Variants in UXS1 observed in about 807,000 individuals in gnomAD.
UXS1 encodes the protein UDP-glucuronic acid decarboxylase 1.
UXS1 carries 33 observed loss-of-function variants against 62.6 expected under a neutral mutation model. The observed-to-expected ratio is 0.53, with a 90% CI of 0.40 to 0.70. The LOEUF is 0.70. UXS1 is among the 30% of genes least tolerant of loss of function. The pLI, the probability that UXS1 is intolerant of heterozygous loss-of-function variation, is 0.00. For synonymous variants in UXS1, 213 were observed against 206.8 expected (o/e 1.03, Z -0.26); for missense variants, 434 against 556.3 (o/e 0.78, Z 2.21).
chr2:106,115,419 G>C (rs1678982419), intron 9 of UXS1, among the ~76,000 whole-genome samples: 1 of 152,248 alleles, frequency 6.6e-6, no homozygotes, highest in South Asian at 2.1e-4. Flanking sequence ...TTTGAGCATA[G>C]ACAAAGCTGT....
intron 12 of UXS1, among the ~76,000 whole-genome samples, chr2:106,099,445 G>GC (rs1042978706): frequency 1.3e-5 from 2 of 152,102 alleles, no homozygotes; most frequent in African/African-American, 4.8e-5. Flanking sequence ...GCCTCTTCAT[G>GC]CCCAGGTCCT....
At position 106,094,051 on chromosome 2, in the gene UXS1, T is replaced by C; in HGVS notation, c.1253A>G (p.Lys418Arg). 1.2e-6 allele frequency: 2 copies of C among 1,613,192 alleles called. No homozygotes were observed. Among genetic ancestry groups the C allele is most frequent in the Non-Finnish European group, 1.7e-6 (2 of 1,179,712 alleles). ...YIPKPKPARI[K>R]KGRTRHS is the part of the protein sequence containing the mutation. ...TCAGCTGTGGCGAGTCCGTCCTTTC[T>C]TTATTCTGGCAGGCTTTGGTTTGGG... Residue 418 changes from lysine (K) to arginine (R), a missense_variant, in exon 15 of 15, where the codon AAG (lysine) becomes AGG (arginine). Lys to Arg is a conservative substitution (Grantham distance 26, BLOSUM62 2). Coordinates refer to ENST00000283148, the MANE Select transcript of UXS1 (RefSeq NM_001253875.2).
chr2:106,180,999 T>C (rs1303256642), intron 1 of UXS1, among the ~76,000 whole-genome samples: 4 of 152,226 alleles, frequency 2.6e-5, no homozygotes, highest in Non-Finnish European at 4.4e-5. Context: ...AAATGAAATA[T>C]ACTTTCCCTA....
chr2:106,152,413 C>T (rs1265922159), intron 5 of UXS1, among the ~76,000 whole-genome samples: 2 of 147,480 alleles, frequency 1.4e-5, no homozygotes, highest in Non-Finnish European at 3.0e-5. Flanking sequence ...GATCATGCCA[C>T]TGCACTCCAG....
intron 9 of UXS1, among the ~76,000 whole-genome samples, chr2:106,120,150 G>A (rs903485880): frequency 6.6e-6 from 1 of 152,198 alleles, no homozygotes; most frequent in Non-Finnish European, 1.5e-5. Flanking sequence ...TGGACCCATG[G>A]CTCTTCCTAC....
chr2:106,176,275 A>C (rs988329530), intron 1 of UXS1, among the ~76,000 whole-genome samples: 1 of 151,998 alleles, frequency 6.6e-6, no homozygotes, highest in Non-Finnish European at 1.5e-5. Flanking sequence ...TCATCCTAGC[A>C]CTCTGGAAAA....
chr2:106,170,882 G>A (rs1455798176), intron 1 of UXS1, among the ~76,000 whole-genome samples: 3 of 152,130 alleles, frequency 2.0e-5, no homozygotes, highest in Non-Finnish European at 4.4e-5. Flanking sequence ...CCCACCTTAC[G>A]GTGCTTCAAA....
intron 5 of UXS1, among the ~76,000 whole-genome samples, chr2:106,156,818 G>A (rs761291897): frequency 1.3e-5 from 2 of 152,106 alleles, no homozygotes; most frequent in Admixed American, 6.5e-5. Context: ...TTTTCGATTC[G>A]TGGTTAGCTG....
chr2:106,098,675 GCA>G (rs750058212), intron 13 of UXS1, 39 bp downstream of exon 13: 1 of 1,534,948 alleles, frequency 6.5e-7, no homozygotes, highest in Admixed American at 1.8e-5. Context: ...GATAGGGCAG[GCA>G]CAGTCGATTT....
intron 13 of UXS1, chr2:106,097,182 G>A (rs762001317): frequency 1.3e-5 from 6 of 466,478 alleles, no homozygotes; most frequent in East Asian, 6.7e-5. Context: ...GCATGACCCC[G>A]GTGTGAGACC....
At chr2:106,192,079 C>A (rs1484374174) in intron 1 of UXS1, among the ~76,000 whole-genome samples, 2 of 152,124 alleles carry the variant, frequency 1.3e-5, no homozygotes, top group Admixed American at 1.3e-4. Context: ...TTAAAAAAAA[C>A]CCTACTGATT....
At chr2:106,114,441 C>T (rs1050158295) in intron 9 of UXS1, among the ~76,000 whole-genome samples, 3 of 152,130 alleles carry the variant, frequency 2.0e-5, no homozygotes, top group Non-Finnish European at 4.4e-5. Context: ...GAAAATGACT[C>T]AGAAGTACCC....
At chr2:106,116,430 G>A (rs1558690973) in intron 9 of UXS1, among the ~76,000 whole-genome samples, 1 of 152,164 alleles carries the variant, frequency 6.6e-6, no homozygotes, top group Non-Finnish European at 1.5e-5. Flanking sequence ...TGGCCATCTT[G>A]ACAGACTCCA....
intron 1 of UXS1, among the ~76,000 whole-genome samples, chr2:106,183,950 G>C (rs1323652962): frequency 6.6e-6 from 1 of 152,180 alleles, no homozygotes; most frequent in Non-Finnish European, 1.5e-5. Context: ...CCAGCACTTT[G>C]GGAGGCCGAG....
At chr2:106,177,164 C>T (rs991634455) in intron 1 of UXS1, among the ~76,000 whole-genome samples, 11 of 148,398 alleles carry the variant, frequency 7.4e-5, no homozygotes, top group Non-Finnish European at 1.6e-4. Flanking sequence ...AATGTTTTTG[C>T]TTTTTAAAGC....
intron 9 of UXS1, among the ~76,000 whole-genome samples, chr2:106,121,937 AG>A (rs1172499445): frequency 1.3e-5 from 2 of 152,204 alleles, no homozygotes; most frequent in African/African-American, 4.8e-5. Context: ...TCCCAAGGTC[AG>A]GAACAGGAGA....
intron 11 of UXS1, 110 bp from the exon 12 acceptor site, chr2:106,101,228 A>G (rs1677574862): frequency 8.8e-7 from 1 of 1,142,244 alleles, no homozygotes; most frequent in Non-Finnish European, 1.2e-6. Flanking sequence ...GGAGAAAACA[A>G]AAACCCAAAT....
At chr2:106,146,717 T>A (rs1681597014) in intron 5 of UXS1, among the ~76,000 whole-genome samples, 1 of 141,414 alleles carries the variant, frequency 7.1e-6, no homozygotes, top group Admixed American at 7.5e-5. Context: ...GAGGCGGAAG[T>A]TGCAGTGGAT....
chr2:106,130,695 A>G (rs1680372836), intron 6 of UXS1, among the ~76,000 whole-genome samples: 1 of 152,092 alleles, frequency 6.6e-6, no homozygotes, highest in South Asian at 2.1e-4. Context: ...TTCCTTTCCC[A>G]GTGCCGGGAA....
Sources: gnomAD v4.1 joint callset for allele counts (sites outside exome capture counted in the v4.1 genomes callset) on GRCh38, gnomAD v4.1.1 for gene constraint, MANE v1.5 for transcripts, NCBI Gene and HGNC (gene_info 2026-07-23, HGNC 2026-07-21) for gene names.